Variants in PRKCH observed in about 807,000 individuals in gnomAD.
PRKCH encodes the protein protein kinase C eta type.
In PRKCH, 28 loss-of-function variants were observed where a neutral mutation model predicts 82.5. The ratio of observed to expected loss-of-function variants is 0.34; its 90% CI spans 0.25 to 0.47. The LOEUF is 0.47. Ranked by LOEUF, PRKCH falls within the 20% of genes least tolerant of loss-of-function variation. The pLI is 1.00. For missense variants in PRKCH, 705 were observed against 881.8 expected (o/e 0.80, Z 2.54); for synonymous variants, 322 against 327.4 (o/e 0.98, Z 0.18).
intron 1 of PRKCH, among the ~76,000 whole-genome samples, chr14:61,331,823 T>C (rs1395346700): frequency 1.3e-5 from 2 of 152,206 alleles, no homozygotes; most frequent in African/African-American, 4.8e-5. Flanking sequence ...GAATTATGTG[T>C]TATCAAAGTT....
In PRKCH at chr14:61,547,756, A is replaced by G; in HGVS notation, c.1775A>G (p.Asn592Ser). 1 of 1,613,822 alleles carries G rather than the reference A, an allele frequency of 6.2e-7. No individual in the cohort carries two copies. The highest frequency in any genetic ancestry group is 8.5e-7 in the Non-Finnish European group (1 of 1,179,894). ...TCTCTCACTCAGTTCATGACCAAGA[A>G]CCCCACCATGCGCTTGGGCAGCCTG... Reference protein sequence around the residue: ...TGILKSFMTKNPTMRLGSLTQ... With the variant: ...TGILKSFMTKSPTMRLGSLTQ... Residue 592 changes from asparagine (N) to serine (S), a missense_variant, in exon 13 of 14, where the codon AAC (asparagine) becomes AGC (serine). Physicochemically the swap from Asn to Ser is conservative, Grantham distance 46. Around this residue, in one of 5 missense-constraint regions of PRKCH, gnomAD observed 115 missense variants for 193.8 expected, o/e 0.59. Coordinates refer to ENST00000332981, the MANE Select transcript of PRKCH (RefSeq NM_006255.5).
At chr14:61,425,079 A>C (rs2140250648) in intron 2 of PRKCH, among the ~76,000 whole-genome samples, 1 of 152,384 alleles carries the variant, frequency 6.6e-6, no homozygotes, top group African/African-American at 2.4e-5. Flanking sequence ...CTGGATGTCC[A>C]GTCAGAAGTC....
At chr14:61,457,739 A>G in intron 9 of PRKCH, 60 bp downstream of exon 9, 2 of 1,579,586 alleles carry the variant, frequency 1.3e-6, no homozygotes, top group Non-Finnish European at 1.7e-6. Context: ...CTGAGACAGT[A>G]AGATACTGGA....
intron 13 of PRKCH, among the ~76,000 whole-genome samples, chr14:61,548,786 C>T (rs2043291452): frequency 6.7e-6 from 1 of 149,486 alleles, no homozygotes; most frequent in African/African-American, 2.5e-5. Flanking sequence ...TTGCTTGAAC[C>T]TAGGAGGTGG....
intron 1 of PRKCH, among the ~76,000 whole-genome samples, chr14:61,189,397 T>C (rs750854872): frequency 4.6e-4 from 31 of 67,486 alleles, no homozygotes; most frequent in Non-Finnish European, 6.4e-4. Flanking sequence ...GCCCCGACTC[T>C]GTAAGATATT....
At chr14:61,284,183 AATGC>A (rs2140095031) in intron 1 of PRKCH, among the ~76,000 whole-genome samples, 1 of 152,358 alleles carries the variant, frequency 6.6e-6, no homozygotes, top group East Asian at 1.9e-4. Flanking sequence ...CCCTCTGCAG[AATGC>A]AGCTGGGTAT....
intron 1 of PRKCH, among the ~76,000 whole-genome samples, chr14:61,277,087 G>A (rs2045210565): frequency 6.6e-6 from 1 of 152,136 alleles, no homozygotes; most frequent in Non-Finnish European, 1.5e-5. Flanking sequence ...TTGGGAGGCT[G>A]AGACACGAGA....
At chr14:61,205,424 A>T (rs1594851122) in intron 1 of PRKCH, among the ~76,000 whole-genome samples, 3 of 152,168 alleles carry the variant, frequency 2.0e-5, no homozygotes, top group Admixed American at 2.0e-4. Flanking sequence ...GCCACAGGGG[A>T]TGCTGAGCAA....
In PRKCH at chr14:61,457,372, GGGGT is replaced by G. The variant is rs892147545; in HGVS notation, c.1104+55_1104+58del. 1.1e-5 allele frequency: 18 copies of G among 1,604,956 alleles called. No individual in the cohort carries two copies. In the African/African-American group the frequency reaches 2.4e-4, roughly 22 times the overall value. On this transcript the variant is annotated intron_variant, in intron 8 of 13. Coordinates refer to ENST00000332981, the MANE Select transcript of PRKCH (RefSeq NM_006255.5). ...TGAAGTAAGTGTGCTCTGTGTATGG[GGGGT>G]GTGTGTGTGTGTGCACGCATGCGCA...
intron 1 of PRKCH, among the ~76,000 whole-genome samples, chr14:61,220,103 A>G (rs963631994): frequency 1.3e-5 from 2 of 152,214 alleles, no homozygotes; most frequent in African/African-American, 4.8e-5. Context: ...GAAGGCAGAC[A>G]GTCCCAGGGC....
intron 1 of PRKCH, chr14:61,306,600 T>C (rs1293094645): frequency 6.6e-6 from 1 of 152,246 alleles, no homozygotes; most frequent in Non-Finnish European, 1.5e-5. Flanking sequence ...TTATCTTGTG[T>C]ATTTCTAGTT....
chr14:61,520,377 T>G (rs1182668483), intron 10 of PRKCH, among the ~76,000 whole-genome samples: 2 of 152,208 alleles, frequency 1.3e-5, no homozygotes, highest in Non-Finnish European at 2.9e-5. Flanking sequence ...TATCCTGTTC[T>G]TTCACTTAGA....
At chr14:61,482,507 CG>C (rs1199135983) in intron 9 of PRKCH, among the ~76,000 whole-genome samples, 1 of 152,092 alleles carries the variant, frequency 6.6e-6, no homozygotes, top group Admixed American at 6.6e-5. Flanking sequence ...TACCTGGTGA[CG>C]TTATTTGAGG....
At chr14:61,301,923 A>T (rs764378769) in intron 1 of PRKCH, among the ~76,000 whole-genome samples, 7 of 152,206 alleles carry the variant, frequency 4.6e-5, no homozygotes, top group Non-Finnish European at 8.8e-5. Flanking sequence ...AAAGTTTATG[A>T]TATAGAATTT....
chr14:61,273,943 G>C (rs1487955523), intron 1 of PRKCH, among the ~76,000 whole-genome samples: 1 of 152,178 alleles, frequency 6.6e-6, no homozygotes, highest in Non-Finnish European at 1.5e-5. Context: ...ATGGTACTTG[G>C]CACTGGCAAT....
intron 1 of PRKCH, chr14:61,304,323 A>C (rs2045469108): frequency 6.6e-6 from 1 of 152,192 alleles, no homozygotes; most frequent in Admixed American, 6.5e-5. Flanking sequence ...TTTTAAAAAA[A>C]TGAGAAGAAA....
At chr14:61,352,722 G>GA (rs1371491594) in intron 1 of PRKCH, among the ~76,000 whole-genome samples, 1 of 151,376 alleles carries the variant, frequency 6.6e-6, no homozygotes, top group East Asian at 1.9e-4. Context: ...AAGAAAGAAA[G>GA]AAAGAAAGAA....
chr14:61,470,531 GA>G (rs1397564482), intron 9 of PRKCH, among the ~76,000 whole-genome samples: 7 of 152,154 alleles, frequency 4.6e-5, no homozygotes, highest in Admixed American at 2.6e-4. Flanking sequence ...CTCGCCAGCA[GA>G]CCCTCCCCTT....
intron 1 of PRKCH, chr14:61,279,012 C>CACACACACACACAT (rs61512805): frequency 1.4e-5 from 2 of 147,548 alleles, no homozygotes; most frequent in East Asian, 4.0e-4. Flanking sequence ...CACACACACA[C>CACACACACACACAT]AATGACAAAG....
Sources: allele counts gnomAD v4.1 joint callset (sites outside exome capture counted in the v4.1 genomes callset), GRCh38; gene constraint gnomAD v4.1.1; regional missense constraint gnomAD v4.1.1; transcripts MANE v1.5; gene names NCBI Gene and HGNC (gene_info 2026-07-23, HGNC 2026-07-21).